Variants in PRKCA observed in about 807,000 individuals in gnomAD.
PRKCA encodes the protein protein kinase C alpha type.
PRKCA carries 27 observed loss-of-function variants against 87.0 expected under a neutral mutation model. That is an observed-to-expected ratio of 0.31 (90% CI 0.23 to 0.43). PRKCA has a LOEUF of 0.43. Among genes scored for constraint, PRKCA ranks in the 20% least tolerant of loss-of-function variants. PRKCA has a pLI of 1.00. For synonymous variants in PRKCA, 329 were observed against 311.1 expected (o/e 1.06, Z -0.61); for missense variants, 518 against 852.3 (o/e 0.61, Z 4.88).
At chr17:66,659,306 G>A (rs1335111359) in intron 5 of PRKCA, among the ~76,000 whole-genome samples, 1 of 152,190 alleles carries the variant, frequency 6.6e-6, no homozygotes, top group Non-Finnish European at 1.5e-5. Flanking sequence ...TGTTTGAGAT[G>A]ATATTCAAAT....
chr17:66,745,751 G>A (rs1974264349), intron 13 of PRKCA, among the ~76,000 whole-genome samples: 1 of 152,136 alleles, frequency 6.6e-6, no homozygotes, highest in Admixed American at 6.5e-5. Context: ...CCACAGGGAG[G>A]TAGCATCAGA....
At chr17:66,477,425 C>T (rs967442073) in intron 2 of PRKCA, among the ~76,000 whole-genome samples, 5 of 152,082 alleles carry the variant, frequency 3.3e-5, no homozygotes, top group African/African-American at 1.2e-4. Context: ...TGTGGCCGAG[C>T]GCGGTGGCTC....
chr17:66,504,303 G>C (rs1180428865), intron 3 of PRKCA, among the ~76,000 whole-genome samples: 1 of 151,946 alleles, frequency 6.6e-6, no homozygotes, highest in Non-Finnish European at 1.5e-5. Context: ...GATTGCACAG[G>C]GTGGGCCACT....
chr17:66,563,169 C>T lies in PRKCA; in HGVS notation c.288+66886C>T, dbSNP rs1051412617. Among the ~76,000 whole-genome samples, 3 of 152,128 alleles carry T rather than the reference C, an allele frequency of 2.0e-5. No homozygotes were observed. In the East Asian group the frequency reaches 5.8e-4, roughly 29 times the overall value. On this transcript the variant is annotated intron_variant, in intron 3 of 16. Transcript: ENST00000413366. ...ATTAATTAGTGTGGTACATTTCTTACAACTGATGCAATATTATTAACAAAA... is the reference window on the plus strand; with the variant it reads ...ATTAATTAGTGTGGTACATTTCTTATAACTGATGCAATATTATTAACAAAA...
chr17:66,438,566 C>T (rs182604213), intron 2 of PRKCA, among the ~76,000 whole-genome samples: 2 of 152,234 alleles, frequency 1.3e-5, no homozygotes, highest in African/African-American at 4.8e-5. Flanking sequence ...TCATTTAAAA[C>T]AGAGTAAAAA....
chr17:66,566,602 A>T (rs1598775893), intron 3 of PRKCA, among the ~76,000 whole-genome samples: 1 of 138,680 alleles, frequency 7.2e-6, no homozygotes, highest in African/African-American at 2.7e-5. Flanking sequence ...TTTATTTTTT[A>T]GGAAAAGGTA....
chr17:66,755,884 G>A lies in PRKCA; in HGVS notation c.1524+13124G>A, dbSNP rs528541585. On this transcript the variant is annotated intron_variant, in intron 13 of 16. Coordinates refer to ENST00000413366, the MANE Select transcript of PRKCA (RefSeq NM_002737.3). ...GTGGTAGAATTCTCGCCTCCCTAGAGCCATTGGAAAAATGAGGTAACAGGG... is the reference window on the plus strand; with the variant it reads ...GTGGTAGAATTCTCGCCTCCCTAGAACCATTGGAAAAATGAGGTAACAGGG... Among the ~76,000 whole-genome samples the A allele has an allele frequency of 1.1e-4, 16 of 152,264 alleles. No individual in the cohort carries two copies. The East Asian group carries it at 2.5e-3, about 24-fold the overall frequency.
chr17:66,788,100 G>A (rs1975444475), intron 15 of PRKCA, among the ~76,000 whole-genome samples: 7 of 152,216 alleles, frequency 4.6e-5, no homozygotes, highest in Admixed American at 3.9e-4. Flanking sequence ...GACTTGTCTA[G>A]TTTTGAATGG....
intron 2 of PRKCA, among the ~76,000 whole-genome samples, chr17:66,339,035 G>A (rs1245831081): frequency 6.6e-6 from 1 of 152,166 alleles, no homozygotes; most frequent in African/African-American, 2.4e-5. Context: ...ATTGAGGGGA[G>A]AAACTAGATA....
chr17:66,434,739 C>G (rs972553126), intron 2 of PRKCA, among the ~76,000 whole-genome samples: 4 of 152,190 alleles, frequency 2.6e-5, no homozygotes, highest in African/African-American at 9.7e-5. Flanking sequence ...ATGGCCTAGA[C>G]AGCTTGCTTA....
intron 2 of PRKCA, among the ~76,000 whole-genome samples, chr17:66,440,644 T>C (rs1016746191): frequency 2.6e-5 from 4 of 152,036 alleles, no homozygotes; most frequent in Non-Finnish European, 5.9e-5. Flanking sequence ...GGACTGGTGG[T>C]CAAGGGGGCT....
chr17:66,330,407 C>T (rs1207078556), intron 2 of PRKCA, among the ~76,000 whole-genome samples: 1 of 151,880 alleles, frequency 6.6e-6, no homozygotes, highest in African/African-American at 2.4e-5. Flanking sequence ...GCACCTGGCC[C>T]CTGGAGATAA....
chr17:66,450,052 A>G lies in PRKCA; in HGVS notation c.206-46149A>G, dbSNP rs527879085. ...TTTTTAAGCATTGTTTATAGCCACA[A>G]TAGAATGTCATTGGAAAGAGTGGAG... On this transcript the variant is annotated intron_variant, in intron 2 of 16. Coordinates refer to ENST00000413366, the MANE Select transcript of PRKCA (RefSeq NM_002737.3). Among the ~76,000 whole-genome samples, 30 of 152,062 alleles carry G rather than the reference A, an allele frequency of 2.0e-4. 1 individual carries two copies. Among genetic ancestry groups the G allele is most frequent in the African/African-American group, 6.5e-4 (27 of 41,472 alleles).
intron 2 of PRKCA, among the ~76,000 whole-genome samples, chr17:66,458,391 CA>C (rs143049471): frequency 0.021 from 3,220 of 152,294 alleles, 44 homozygotes; most frequent in South Asian, 0.054. Flanking sequence ...AAAATGGACA[CA>C]GGGGTCTTAA....
intron 3 of PRKCA, among the ~76,000 whole-genome samples, chr17:66,560,241 TA>T (rs11299095): frequency 0.12 from 18,565 of 148,818 alleles, 1,282 homozygotes; most frequent in African/African-American, 0.18. Flanking sequence ...AAATCAGGAA[TA>T]AAAAAAAAAT....
chr17:66,762,604 C>T (rs574195278), intron 13 of PRKCA, among the ~76,000 whole-genome samples: 42 of 152,226 alleles, frequency 2.8e-4, no homozygotes, highest in African/African-American at 9.9e-4. Context: ...TTTCACTTCT[C>T]CCCTGCTGCG....
At chr17:66,514,394 G>C (rs1966894011) in intron 3 of PRKCA, among the ~76,000 whole-genome samples, 1 of 152,098 alleles carries the variant, frequency 6.6e-6, no homozygotes, top group Non-Finnish European at 1.5e-5. Context: ...TCGCCCAACA[G>C]TGTGATGAGA....
intron 13 of PRKCA, among the ~76,000 whole-genome samples, chr17:66,757,946 C>T (rs142036375): frequency 0.074 from 11,323 of 152,236 alleles, 673 homozygotes; most frequent in East Asian, 0.21. Context: ...AGGATGGTCT[C>T]GATCTCCTGA....
intron 16 of PRKCA, among the ~76,000 whole-genome samples, chr17:66,796,295 G>A (rs567135485): frequency 5.3e-5 from 8 of 152,170 alleles, no homozygotes; most frequent in Non-Finnish European, 8.8e-5. Context: ...CACACCTTGC[G>A]TCTTTCACGT....
Sources: gnomAD v4.1 joint callset for allele counts (sites outside exome capture counted in the v4.1 genomes callset) on GRCh38, gnomAD v4.1.1 for gene constraint, MANE v1.5 for transcripts, NCBI Gene and HGNC (gene_info 2026-07-23, HGNC 2026-07-21) for gene names.